Variants in TAFA4 observed in about 807,000 individuals in gnomAD.
The protein encoded by TAFA4 is chemokine-like protein TAFA-4.
TAFA4 carries 20 observed loss-of-function variants against 21.1 expected under a neutral mutation model. The observed-to-expected ratio is 0.95, with a 90% CI of 0.67 to 1.38. The LOEUF (loss-of-function observed/expected upper bound fraction) is 1.38, where lower values mean the gene tolerates loss of function less well. TAFA4 is among the 40% of genes most tolerant of loss of function. The pLI, the probability that TAFA4 is intolerant of heterozygous loss-of-function variation, is 0.00. For synonymous variants in TAFA4, 71 were observed against 67.4 expected, an observed-to-expected ratio of 1.05 and a Z score of -0.26; for missense variants, 211 against 180.9, an observed-to-expected ratio of 1.17 and a Z score of -0.95.
chr3:68,866,474 A>G (rs1214095747), intron 3 of TAFA4, among the ~76,000 whole-genome samples: 1 of 151,974 alleles, frequency 6.6e-6, no homozygotes, highest in Admixed American at 6.6e-5. Context: ...GCCAGGGAGC[A>G]AAGACAGAAA....
At chr3:68,764,262 A>C (rs1277751425) in intron 3 of TAFA4, among the ~76,000 whole-genome samples, 2 of 152,150 alleles carry the variant, frequency 1.3e-5, no homozygotes, top group Non-Finnish European at 1.5e-5. Context: ...CTATGTGAAA[A>C]CATAGCAAAA....
At chr3:68,763,405 G>T (rs1702790979) in intron 3 of TAFA4, among the ~76,000 whole-genome samples, 1 of 152,102 alleles carries the variant, frequency 6.6e-6, no homozygotes, top group Non-Finnish European at 1.5e-5. Context: ...ACACCAAAAA[G>T]ATATAATGTA....
At chr3:68,899,494 C>T (rs932250983) in intron 1 of TAFA4, among the ~76,000 whole-genome samples, 1 of 151,874 alleles carries the variant, frequency 6.6e-6, no homozygotes, top group Non-Finnish European at 1.5e-5. Flanking sequence ...CAGATAAAGG[C>T]CTAGGAAGCC....
chr3:68,900,982 C>G (rs2089839578), intron 1 of TAFA4, among the ~76,000 whole-genome samples: 1 of 152,166 alleles, frequency 6.6e-6, no homozygotes, highest in African/African-American at 2.4e-5. Flanking sequence ...CCACCCATGG[C>G]TAATTCAAGC....
chr3:68,861,812 T>C (rs2089349841), intron 3 of TAFA4, among the ~76,000 whole-genome samples: 1 of 152,052 alleles, frequency 6.6e-6, no homozygotes, highest in Non-Finnish European at 1.5e-5. Flanking sequence ...TGACCCGTCA[T>C]TGGATTCTCA....
chr3:68,840,802 TG>T (rs1457515406), intron 3 of TAFA4, among the ~76,000 whole-genome samples: 2 of 152,194 alleles, frequency 1.3e-5, no homozygotes, highest in African/African-American at 4.8e-5. Flanking sequence ...GGTAGCACCA[TG>T]TCTGCCAAAG....
At chr3:68,734,914 C>T (rs1384807307) in intron 5 of TAFA4, among the ~76,000 whole-genome samples, 1 of 151,964 alleles carries the variant, frequency 6.6e-6, no homozygotes, top group Non-Finnish European at 1.5e-5. Context: ...TTCCCTATGC[C>T]CAGCTCATTT....
chr3:68,803,689 G>GGA (rs796514198), intron 3 of TAFA4, among the ~76,000 whole-genome samples: 7 of 136,726 alleles, frequency 5.1e-5, no homozygotes, highest in African/African-American at 1.9e-4. Flanking sequence ...CAGTAAGTGG[G>GGA]AAAAAAAAAA....
intron 3 of TAFA4, among the ~76,000 whole-genome samples, chr3:68,832,710 CT>C (rs1488122199): frequency 6.6e-6 from 1 of 152,206 alleles, no homozygotes; most frequent in Non-Finnish European, 1.5e-5. Flanking sequence ...AAACACTGCT[CT>C]CTTCAGAGCT....
chr3:68,733,098 G>A lies in TAFA4; in HGVS notation c.*44C>T, dbSNP rs749618496. ...ATGGGAATCCAAGCAAAAGAGCTCC[G>A]CCTCCTGCTGCCCCTCCAGGATTGA... On this transcript the variant is annotated 3_prime_UTR_variant, in exon 6 of 6. Coordinates refer to ENST00000295569, the MANE Select transcript of TAFA4 (RefSeq NM_182522.5). 51 of 1,610,936 alleles carry A rather than the reference G, an allele frequency of 3.2e-5. No homozygotes were observed. The highest frequency in any genetic ancestry group is 1.3e-4 in the African/African-American group (10 of 74,658).
At chr3:68,857,800 T>G (rs1443057583) in intron 3 of TAFA4, among the ~76,000 whole-genome samples, 1 of 148,352 alleles carries the variant, frequency 6.7e-6, no homozygotes, top group African/African-American at 2.5e-5. Flanking sequence ...GAAACTAACA[T>G]CATTCAAAAC....
intron 3 of TAFA4, among the ~76,000 whole-genome samples, chr3:68,777,143 G>T (rs1703063219): frequency 1.3e-5 from 1 of 77,200 alleles, no homozygotes; most frequent in South Asian, 8.2e-4. Context: ...AAATATGAAA[G>T]ATTTTTTCTT....
intron 1 of TAFA4, among the ~76,000 whole-genome samples, chr3:68,906,800 C>G (rs1227185234): frequency 2.0e-5 from 3 of 151,846 alleles, no homozygotes; most frequent in Non-Finnish European, 4.4e-5. Context: ...GAGGCCGAGG[C>G]GGGTGGATCA....
At chr3:68,852,127 G>C (rs1042218129) in intron 3 of TAFA4, among the ~76,000 whole-genome samples, 1 of 152,172 alleles carries the variant, frequency 6.6e-6, no homozygotes, top group Non-Finnish European at 1.5e-5. Context: ...GAAATGAAGA[G>C]TCCACACTGA....
intron 2 of TAFA4, among the ~76,000 whole-genome samples, chr3:68,881,899 C>T (rs1002626892): frequency 6.6e-6 from 1 of 152,212 alleles, no homozygotes; most frequent in African/African-American, 2.4e-5. Context: ...CAGTCCCCTA[C>T]TCCACGAAAA....
chr3:68,918,124 G>A (rs1185379982), intron 1 of TAFA4, among the ~76,000 whole-genome samples: 1 of 95,426 alleles, frequency 1.0e-5, no homozygotes, highest in Non-Finnish European at 2.2e-5. Flanking sequence ...GAGGAAGCCA[G>A]ACACACATAC....
chr3:68,804,107 A>G (rs1331489168), intron 3 of TAFA4, among the ~76,000 whole-genome samples: 1 of 151,932 alleles, frequency 6.6e-6, no homozygotes, highest in African/African-American at 2.4e-5. Flanking sequence ...AACTTTATAT[A>G]ATTAAACCAT....
At chr3:68,878,996 A>C (rs1176506797) in intron 3 of TAFA4, among the ~76,000 whole-genome samples, 1 of 152,076 alleles carries the variant, frequency 6.6e-6, no homozygotes, top group Non-Finnish European at 1.5e-5. Context: ...GTAGGTGGAG[A>C]TAGGGTTGTA....
chr3:68,847,711 G>GT (rs1193300646), intron 3 of TAFA4, among the ~76,000 whole-genome samples: 8 of 152,212 alleles, frequency 5.3e-5, no homozygotes, highest in Admixed American at 2.6e-4. Context: ...AGAGTGCACT[G>GT]TCCAAGAGGA....
Sources: gnomAD v4.1 joint callset for allele counts (sites outside exome capture counted in the v4.1 genomes callset) on GRCh38, gnomAD v4.1.1 for gene constraint, MANE v1.5 for transcripts, NCBI Gene and HGNC (gene_info 2026-07-23, HGNC 2026-07-21) for gene names.